ASB15: variants seen among roughly 807,000 people sequenced by gnomAD.
The protein encoded by ASB15 is ankyrin repeat and SOCS box protein 15.
In ASB15, 54 loss-of-function variants were observed where a neutral mutation model predicts 58.0. The ratio of observed to expected loss-of-function variants is 0.93; its 90% CI spans 0.75 to 1.17. ASB15 has a LOEUF of 1.17. Among genes scored for constraint, ASB15 ranks in the 50% most tolerant of loss-of-function variants. The probability of loss-of-function intolerance (pLI) is 0.00; values close to 1 mark genes in which losing one functional copy is unlikely to be tolerated. For synonymous variants in ASB15, 249 were observed against 262.4 expected (o/e 0.95, Z 0.50); for missense variants, 680 against 707.4 (o/e 0.96, Z 0.44).
chr7:123,610,960 T>C (rs934209362), intron 3 of ASB15, among the ~76,000 whole-genome samples: 4 of 151,262 alleles, frequency 2.6e-5, no homozygotes, highest in African/African-American at 9.7e-5. Flanking sequence ...CCGGTGCCTA[T>C]AATCCCAGCT....
At chr7:123,613,874 T>C (rs1419529921) in intron 3 of ASB15, among the ~76,000 whole-genome samples, 2 of 151,992 alleles carry the variant, frequency 1.3e-5, no homozygotes, top group East Asian at 1.9e-4. Context: ...TGAAACTCTG[T>C]CTCTACTAAA....
chr7:123,579,676 GGAGTT>G (rs1367264499), intron 1 of ASB15, among the ~76,000 whole-genome samples: 2 of 152,022 alleles, frequency 1.3e-5, no homozygotes, highest in African/African-American at 4.8e-5. Context: ...TCTGCTCCTG[GGAGTT>G]GAGTTAATTT....
intron 2 of ASB15, among the ~76,000 whole-genome samples, chr7:123,604,576 T>A (rs1051277464): frequency 1.4e-5 from 2 of 142,012 alleles, no homozygotes; most frequent in Non-Finnish European, 3.1e-5. Flanking sequence ...AAGGAGACTC[T>A]GTCTAAAAAA....
At chr7:123,625,447 C>T (rs1801710383) in intron 8 of ASB15, among the ~76,000 whole-genome samples, 1 of 152,202 alleles carries the variant, frequency 6.6e-6, no homozygotes, top group Non-Finnish European at 1.5e-5. Context: ...CCTATTGCAT[C>T]ATCTCAAATT....
rs1802487379 is a variant in ASB15 at position 123,637,610 on chromosome 7, T to C, written c.*629T>C. ...GGACACTCTGTCTCTGGCTTCTTTCTGCCTAGCTCATCTCTAGCCAATCTT... is the reference window on the plus strand; with the variant it reads ...GGACACTCTGTCTCTGGCTTCTTTCCGCCTAGCTCATCTCTAGCCAATCTT... On this transcript the variant is annotated 3_prime_UTR_variant, in exon 12 of 12. Coordinates refer to ENST00000451215, the MANE Select transcript of ASB15 (RefSeq NM_001290258.2). The C allele has an allele frequency of 6.6e-6, 1 of 152,256 alleles. No homozygotes were observed. The highest frequency in any genetic ancestry group is 2.4e-5 in the African/African-American group (1 of 41,440). The allele number at this position is 152,256 out of a possible 1,614,324, so 9.4% of individuals were successfully genotyped here. A position where few individuals can be genotyped will look rare whatever the true frequency, so the allele number is the denominator to read the frequency against.
intron 3 of ASB15, among the ~76,000 whole-genome samples, chr7:123,613,669 G>A (rs1307544016): frequency 6.6e-6 from 1 of 152,154 alleles, no homozygotes; most frequent in African/African-American, 2.4e-5. Flanking sequence ...TATGGATGAA[G>A]TTAAAATGGT....
At chr7:123,623,993 A>G (rs945430299) in intron 7 of ASB15, among the ~76,000 whole-genome samples, 2 of 146,436 alleles carry the variant, frequency 1.4e-5, no homozygotes, top group Non-Finnish European at 3.0e-5. Flanking sequence ...GAAAGAAAGA[A>G]AGAGAAAGGA....
intron 1 of ASB15, among the ~76,000 whole-genome samples, chr7:123,579,883 G>T (rs1799176685): frequency 6.6e-6 from 1 of 151,958 alleles, no homozygotes; most frequent in African/African-American, 2.4e-5. Flanking sequence ...TCTTGCCATT[G>T]TTTAGGTCTC....
At chr7:123,628,194 CTCT>C (rs1415993052) in intron 9 of ASB15, among the ~76,000 whole-genome samples, 1 of 79,736 alleles carries the variant, frequency 1.3e-5, no homozygotes, top group Non-Finnish European at 2.5e-5. Flanking sequence ...ATACTAAAGA[CTCT>C]TCTTTTGGCT....
chr7:123,597,442 G>A (rs571265644), upstream of ASB15, among the ~76,000 whole-genome samples: 4 of 152,038 alleles, frequency 2.6e-5, no homozygotes, highest in Admixed American at 6.6e-5. Context: ...TAAATTAAAC[G>A]TTATCATAAG....
chr7:123,583,477 G>A (rs1237172422), intron 1 of ASB15, among the ~76,000 whole-genome samples: 1 of 151,868 alleles, frequency 6.6e-6, no homozygotes, highest in African/African-American at 2.4e-5. Flanking sequence ...AGTGTTTGAT[G>A]ATTCTCTAAG....
chr7:123,595,822 A>C (rs900517578), intron 1 of ASB15, among the ~76,000 whole-genome samples: 3 of 152,172 alleles, frequency 2.0e-5, no homozygotes, highest in African/African-American at 7.2e-5. Flanking sequence ...ATTTGTCTAC[A>C]CTGTGGGTGA....
At chr7:123,598,848 C>T (rs1420284426), upstream of ASB15, 1 of 152,124 alleles carries the variant, frequency 6.6e-6, no homozygotes, top group African/African-American at 2.4e-5. Flanking sequence ...ATGTCAACAA[C>T]GTGGATTCTT....
At chr7:123,614,066 C>G (rs1216427992) in intron 3 of ASB15, 1 of 154,864 alleles carries the variant, frequency 6.5e-6, no homozygotes, top group Non-Finnish European at 1.4e-5. Flanking sequence ...AGGAATGTAA[C>G]AGGATGACTG....
intron 1 of ASB15, among the ~76,000 whole-genome samples, chr7:123,603,585 T>C (rs944837650): frequency 6.6e-6 from 1 of 152,172 alleles, no homozygotes. Context: ...CTCTGTCCTT[T>C]GCCAATTTCT....
At chr7:123,627,056 G>T in intron 8 of ASB15, 54 bp from the exon 9 acceptor site, 1 of 1,528,094 alleles carries the variant, frequency 6.5e-7, no homozygotes, top group South Asian at 1.2e-5. Flanking sequence ...TTTTTAAGGG[G>T]ATTGTTTAAA....
At chr7:123,595,543 C>T (rs897438036) in intron 1 of ASB15, among the ~76,000 whole-genome samples, 1 of 152,154 alleles carries the variant, frequency 6.6e-6, no homozygotes, top group Admixed American at 6.5e-5. Flanking sequence ...ACAGAGTTTA[C>T]CACAATTCAT....
intron 11 of ASB15, among the ~76,000 whole-genome samples, chr7:123,632,960 T>C (rs368858918): frequency 1.3e-5 from 2 of 152,204 alleles, no homozygotes; most frequent in East Asian, 1.9e-4. Flanking sequence ...GTAACATATT[T>C]AAGACTCTCC....
chr7:123,574,065 G>C (rs1050948334), intron 1 of ASB15, among the ~76,000 whole-genome samples: 1 of 152,116 alleles, frequency 6.6e-6, no homozygotes, highest in African/African-American at 2.4e-5. Context: ...AGTGATAGCA[G>C]TCTATTTCCA....
Sources: allele counts gnomAD v4.1 joint callset (sites outside exome capture counted in the v4.1 genomes callset), GRCh38; gene constraint gnomAD v4.1.1; transcripts MANE v1.5; gene names NCBI Gene and HGNC (gene_info 2026-07-23, HGNC 2026-07-21).